PPP1CB: variants seen among roughly 807,000 people sequenced by gnomAD.
The protein encoded by PPP1CB is serine/threonine-protein phosphatase PP1-beta catalytic subunit.
PPP1CB carries 2 observed loss-of-function variants against 43.7 expected under a neutral mutation model. The observed-to-expected ratio is 0.05, with a 90% CI of 0.02 to 0.14. The LOEUF (loss-of-function observed/expected upper bound fraction) is 0.14. Among genes scored for constraint, PPP1CB ranks in the 10% least tolerant of loss-of-function variants. The probability of loss-of-function intolerance (pLI) is 1.00; values close to 1 mark genes in which losing one functional copy is unlikely to be tolerated. For synonymous variants in PPP1CB, 136 were observed against 135.6 expected (o/e 1.00, Z -0.02); for missense variants, 84 against 398.0 (o/e 0.21, Z 6.71).
At chr2:28,781,587 A>G (rs1667159253) in intron 3 of PPP1CB, 151 bp from the exon 4 acceptor site, 3 of 599,302 alleles carry the variant, frequency 5.0e-6, no homozygotes, top group African/African-American at 1.9e-5. Flanking sequence ...AAGTACGTAA[A>G]TAACATCTTT....
chr2:28,777,111 TG>T (rs1364379814), intron 2 of PPP1CB, 129 bp downstream of exon 2: 1 of 963,774 alleles, frequency 1.0e-6, no homozygotes, highest in Non-Finnish European at 1.5e-6. Context: ...TAAATAAAAG[TG>T]TATAAAAATT....
At chr2:28,787,133 T>G (rs1245860571) in intron 5 of PPP1CB, among the ~76,000 whole-genome samples, 1 of 152,176 alleles carries the variant, frequency 6.6e-6, no homozygotes, top group Non-Finnish European at 1.5e-5. Context: ...TATGGATTAT[T>G]TAAAATTCTT....
intron 7 of PPP1CB, among the ~76,000 whole-genome samples, chr2:28,798,856 C>T (rs1667549763): frequency 6.6e-6 from 1 of 152,042 alleles, no homozygotes. Context: ...TAGTTACCCT[C>T]CTAAGTTACT....
chr2:28,789,753 C>T, intron 6 of PPP1CB, among the ~76,000 whole-genome samples: 1 of 151,634 alleles, frequency 6.6e-6, no homozygotes, highest in Non-Finnish European at 1.5e-5. Context: ...CACGCACCAC[C>T]ACGCCTGGCT....
At chr2:28,779,413 A>G (rs1268987909) in intron 3 of PPP1CB, among the ~76,000 whole-genome samples, 2 of 152,208 alleles carry the variant, frequency 1.3e-5, no homozygotes, top group Non-Finnish European at 2.9e-5. Context: ...TGTCACAAGA[A>G]TTATTGAGAA....
At chr2:28,780,084 CTT>C (rs10559224) in intron 3 of PPP1CB, among the ~76,000 whole-genome samples, 347 of 131,742 alleles carry the variant, frequency 2.6e-3, no homozygotes, top group African/African-American at 7.9e-3. Flanking sequence ...TCTTTTCTTT[CTT>C]TTTTTTTTTT....
At chr2:28,796,280 T>C (rs1393282889) in intron 7 of PPP1CB, among the ~76,000 whole-genome samples, 1 of 152,214 alleles carries the variant, frequency 6.6e-6, no homozygotes, top group Non-Finnish European at 1.5e-5. Context: ...CGGGCTCTTT[T>C]TCAATTTCAT....
In PPP1CB at chr2:28,778,948, T is replaced by C; in HGVS notation, c.324T>C (p.Ala108=). 1 of 1,612,056 alleles carries C rather than the reference T, an allele frequency of 6.2e-7. No individual in the cohort carries two copies. Among genetic ancestry groups the C allele is most frequent in the Non-Finnish European group, 8.5e-7 (1 of 1,178,142 alleles). ...TGGAAACCATTTGTTTGCTATTGGC[T>C]TATAAAATCAAATATCCAGAGAACT... ...QSLETICLLL[A]YKIKYPENFF... is the part of the protein sequence containing the mutation. Residue 108 remains alanine (A), a synonymous_variant, in exon 3 of 8, where the codon GCT becomes GCC. Transcript: ENST00000395366.
chr2:28,772,938 A>T (rs1196975286), intron 1 of PPP1CB, among the ~76,000 whole-genome samples: 1 of 152,220 alleles, frequency 6.6e-6, no homozygotes, highest in African/African-American at 2.4e-5. Context: ...TCACAGATGC[A>T]ATAATGAGCA....
intron 1 of PPP1CB, among the ~76,000 whole-genome samples, chr2:28,769,528 C>T (rs968245896): frequency 6.6e-6 from 1 of 152,170 alleles, no homozygotes; most frequent in African/African-American, 2.4e-5. Flanking sequence ...AAATATATTG[C>T]TGATATGCTG....
rs771146932 is a variant in PPP1CB at position 28,783,992 on chromosome 2, G to C, written c.592+14G>C. The C allele has an allele frequency of 1.9e-6, 3 of 1,578,224 alleles. No homozygotes were observed. Among genetic ancestry groups the C allele is most frequent in the Non-Finnish European group, 2.6e-6 (3 of 1,148,638 alleles). On this transcript the variant is annotated intron_variant, in intron 5 of 7. Coordinates refer to ENST00000395366, the MANE Select transcript of PPP1CB (RefSeq NM_002709.3). ...TCCCTGATACAGGTAAGTGTAGAGA[G>C]AAGTTTAATTGTTTTGTGTAAAGTG...
chr2:28,796,064 T>C (rs956761198), intron 7 of PPP1CB, among the ~76,000 whole-genome samples: 8 of 152,184 alleles, frequency 5.3e-5, no homozygotes, highest in African/African-American at 1.9e-4. Flanking sequence ...CTCCATTGCT[T>C]GTTATTGTTG....
At chr2:28,766,438 C>G (rs1339216142) in intron 1 of PPP1CB, among the ~76,000 whole-genome samples, 1 of 152,222 alleles carries the variant, frequency 6.6e-6, no homozygotes, top group Admixed American at 6.5e-5. Context: ...TACATTTTCT[C>G]AGACTTTGTA....
At position 28,802,111 on chromosome 2, in the gene PPP1CB, T is replaced by G. The variant is rs902292684; in HGVS notation, c.*2808T>G. The stretch of plus-strand genomic sequence containing the variant: ...TAAAGCTTAAAATAGGTGGTAAATT[T>G]GAAGTATGAGTGTGTTCACGAGAAA... On this transcript the variant is annotated 3_prime_UTR_variant, in exon 8 of 8. Coordinates refer to ENST00000395366, the MANE Select transcript of PPP1CB (RefSeq NM_002709.3). 6.6e-6 allele frequency: 1 copy of G among 152,134 alleles called. No homozygotes were observed. Among genetic ancestry groups the G allele is most frequent in the Non-Finnish European group, 1.5e-5 (1 of 68,028 alleles). 9.4% of individuals were successfully genotyped at this position (152,134 alleles called of 1,614,324 possible). A position where few individuals can be genotyped will look rare whatever the true frequency, so the allele number is the denominator to read the frequency against.
intron 1 of PPP1CB, among the ~76,000 whole-genome samples, chr2:28,770,081 C>A (rs920735804): frequency 2.0e-5 from 3 of 151,994 alleles, no homozygotes; most frequent in Non-Finnish European, 4.4e-5. Context: ...CCAGCCTGGC[C>A]AACATGGTGA....
chr2:28,774,458 T>C (rs767212030), intron 1 of PPP1CB, among the ~76,000 whole-genome samples: 15 of 152,248 alleles, frequency 9.9e-5, no homozygotes, highest in Non-Finnish European at 2.1e-4. Context: ...AGAATTTCGC[T>C]CTTGTCTCCC....
chr2:28,751,950 C>G lies in PPP1CB; in HGVS notation c.-175C>G. ...GTGGGTGCCTCCGAGTGTGCGCGCGCTCTCGCTACCCGGCGGGGAGGGGGT... is the reference window on the plus strand; with the variant it reads ...GTGGGTGCCTCCGAGTGTGCGCGCGGTCTCGCTACCCGGCGGGGAGGGGGT... On this transcript the variant is annotated 5_prime_UTR_variant, in exon 1 of 8. Transcript: ENST00000395366. The G allele has an allele frequency of 1.5e-6, 1 of 658,062 alleles. No individual in the cohort carries two copies. The highest frequency in any genetic ancestry group is 1.6e-5 in the South Asian group (1 of 62,076). The allele number at this position is 658,062 out of a possible 1,614,324, so 40.8% of individuals were successfully genotyped here.
At chr2:28,795,992 T>C (rs1400563671) in intron 7 of PPP1CB, among the ~76,000 whole-genome samples, 1 of 152,194 alleles carries the variant, frequency 6.6e-6, no homozygotes, top group Non-Finnish European at 1.5e-5. Context: ...GGGTCCAGTT[T>C]CAGTCTTCTG....
At position 28,752,083 on chromosome 2, in the gene PPP1CB, C is replaced by T. The variant is rs1334737886; in HGVS notation, c.-42C>T. On this transcript the variant is annotated 5_prime_UTR_variant, in exon 1 of 8. Transcript: ENST00000395366. ...CGCCGCAGCCTCCGCCGCCGAGAAG[C>T]CCTTGTTCCCGCTGCTGGGAAGGAG... 2.6e-6 allele frequency: 4 copies of T among 1,545,188 alleles called. No individual in the cohort carries two copies. Among genetic ancestry groups the T allele is most frequent in the South Asian group, 1.2e-5 (1 of 83,926 alleles).
Sources: gnomAD v4.1 joint callset for allele counts (sites outside exome capture counted in the v4.1 genomes callset) on GRCh38, gnomAD v4.1.1 for gene constraint, MANE v1.5 for transcripts, NCBI Gene and HGNC (gene_info 2026-07-23, HGNC 2026-07-21) for gene names.